Variants in DEFB125 observed in about 807,000 individuals in gnomAD.
The protein encoded by DEFB125 is defensin beta 125.
Under a neutral mutation model 11.8 loss-of-function variants are expected in DEFB125, and 11 were observed. That is an observed-to-expected ratio of 0.94 (90% CI 0.59 to 1.55). The LOEUF is 1.55. Among genes scored for constraint, DEFB125 ranks in the 40% most tolerant of loss-of-function variants. The probability of loss-of-function intolerance (pLI) is 0.00; values close to 1 mark genes in which losing one functional copy is unlikely to be tolerated. For synonymous variants in DEFB125, 79 were observed against 66.7 expected (o/e 1.18, Z -0.90); for missense variants, 198 against 191.2 (o/e 1.04, Z -0.21).
At chr20:94,552 G>A (rs1006479984) in intron 1 of DEFB125, among the ~76,000 whole-genome samples, 2 of 152,074 alleles carry the variant, frequency 1.3e-5, no homozygotes, top group African/African-American at 2.4e-5. Context: ...AGACTCTAAT[G>A]CCTTGGCTGA....
At chr20:87,867 A>G (rs915982818) in intron 1 of DEFB125, 100 bp downstream of exon 1, 6 of 1,297,748 alleles carry the variant, frequency 4.6e-6, no homozygotes, top group Non-Finnish European at 6.7e-6. Flanking sequence ...TGCAGGAAAA[A>G]TCTGGGCCAA....
intron 1 of DEFB125, among the ~76,000 whole-genome samples, chr20:92,893 T>C (rs990022015): frequency 3.3e-5 from 5 of 151,960 alleles, no homozygotes; most frequent in Non-Finnish European, 5.9e-5. Context: ...TAAAGATCAG[T>C]CTGCTCTGTG....
rs144102417 is a variant in DEFB125, at chr20:93,606, T to C, written c.59-2399T>C. Among the ~76,000 whole-genome samples, 147 of 152,324 alleles carry C rather than the reference T, an allele frequency of 9.7e-4. 1 individual carries two copies. The highest frequency in any genetic ancestry group is 3.5e-3 in the African/African-American group (145 of 41,580). ...CTCTCAGCAGTATTTGACTACAAAA[T>C]GACCACTCTGTCCTTTAAGAAACAG... On this transcript the variant is annotated intron_variant, in intron 1 of 1. Transcript: ENST00000382410.
chr20:95,951 G>T, intron 1 of DEFB125, 54 bp from the exon 2 acceptor site: 1 of 1,490,544 alleles, frequency 6.7e-7, no homozygotes, highest in Non-Finnish European at 9.0e-7. Context: ...TGAATGAAAA[G>T]TTGTTATGTT....
In DEFB125 at chr20:96,571, AAG is replaced by A. The variant is rs2122981134; in HGVS notation, c.*159_*160del. Reference sequence around the variant, plus strand: ...AATTGCTACTACCAACACAACAGCCAAGAGAGTTGCCTTACAATTAGAAATGT... The same window carrying A: ...AATTGCTACTACCAACACAACAGCCAAGAGTTGCCTTACAATTAGAAATGT... On this transcript the variant is annotated 3_prime_UTR_variant, in exon 2 of 2. Transcript: ENST00000382410. 2.4e-6 allele frequency: 2 copies of A among 850,778 alleles called. No individual in the cohort carries two copies. The highest frequency in any genetic ancestry group is 3.6e-6 in the Non-Finnish European group (2 of 556,666). 52.7% of individuals were successfully genotyped at this position (850,778 alleles called of 1,614,324 possible). A position where few individuals can be genotyped will look rare whatever the true frequency, so the allele number is the denominator to read the frequency against.
At position 96,995 on chromosome 20, in the gene DEFB125, T is replaced by C. The variant is rs1372829040; in HGVS notation, c.*578T>C. ...AACTAACAGAGTCAGAAGCTAATTC[T>C]TTCATTCAACACAAGCACTGATCTA... On this transcript the variant is annotated 3_prime_UTR_variant, in exon 2 of 2. Coordinates refer to ENST00000382410, the MANE Select transcript of DEFB125 (RefSeq NM_153325.4). 6 of 152,822 alleles carry C rather than the reference T, an allele frequency of 3.9e-5. No homozygotes were observed. Among genetic ancestry groups the C allele is most frequent in the African/African-American group, 1.4e-4 (6 of 41,458 alleles). 9.5% of individuals were successfully genotyped at this position (152,822 alleles called of 1,614,324 possible).
At chr20:94,236 A>G (rs998613789) in intron 1 of DEFB125, among the ~76,000 whole-genome samples, 8 of 152,038 alleles carry the variant, frequency 5.3e-5, no homozygotes, top group Non-Finnish European at 1.2e-4. Context: ...CATATCTATC[A>G]CCTCAAACAT....
At chr20:89,027 T>C (rs147347697) in intron 1 of DEFB125, among the ~76,000 whole-genome samples, 116 of 152,306 alleles carry the variant, frequency 7.6e-4, no homozygotes, top group African/African-American at 2.7e-3. Flanking sequence ...CATTCAGTTT[T>C]ACAGTCTAAT....
At chr20:89,159 T>A (rs994830583) in intron 1 of DEFB125, among the ~76,000 whole-genome samples, 7 of 152,166 alleles carry the variant, frequency 4.6e-5, no homozygotes, top group Non-Finnish European at 8.8e-5. Context: ...AAATTTGGCT[T>A]TTGTTAAATT....
Position 96,111 on chromosome 20 carries a change from CT to C in DEFB125, c.166del (p.Cys56AlafsTer4), listed in dbSNP as rs778648489. 95 of 1,613,992 alleles carry C rather than the reference CT, an allele frequency of 5.9e-5. No individual in the cohort carries two copies. The highest frequency in any genetic ancestry group is 7.8e-5 in the Non-Finnish European group (92 of 1,180,022). ...TTCTTTGTAGGAACAAGCTATCATG[CT>C]GCATTTCTATAATATCACATGAATA... Reference protein sequence around the residue: ...ILLCRNKLSCCISIISHEYTR... With the variant: ...ILLCRNKLSCXISIISHEYTR... On this transcript the variant is annotated frameshift_variant, in exon 2 of 2. Coordinates refer to ENST00000382410, the MANE Select transcript of DEFB125 (RefSeq NM_153325.4). LOFTEE classifies it high-confidence loss of function.
Position 96,031 on chromosome 20 carries a change from A to C in DEFB125, c.85A>C (p.Lys29Gln). 1 of 1,602,956 alleles carries C rather than the reference A, an allele frequency of 6.2e-7. No individual in the cohort carries two copies. Among genetic ancestry groups the C allele is most frequent in the Admixed American group, 1.7e-5 (1 of 59,626 alleles). The change falls in exon 2 of 2, where the codon AAG becomes CAG. Residue 29 changes from lysine to glutamine, a missense_variant. Transcript: ENST00000382410. ...KGSFEPQKCW[K>Q]NNVGHCRRRC... is the part of the protein sequence containing the mutation. ...TAGCTTTGAACCCCAAAAATGTTGG[A>C]AGAATAATGTAGGACATTGCAGAAG...
chr20:96,003 A>G lies in DEFB125; in HGVS notation c.59-2A>G, dbSNP rs1332026700. 6.3e-7 allele frequency: 1 copy of G among 1,593,572 alleles called. No individual in the cohort carries two copies. Among genetic ancestry groups the G allele is most frequent in the African/African-American group, 1.3e-5 (1 of 74,404 alleles). ...ATTTGACCTATATTTTATTCTCTAC[A>G]GGTAGCTTTGAACCCCAAAAATGTT... is the stretch of plus-strand genomic sequence containing the variant. On this transcript the variant is annotated splice_acceptor_variant, in intron 1 of 1. Coordinates refer to ENST00000382410, the MANE Select transcript of DEFB125 (RefSeq NM_153325.4). LOFTEE classifies it high-confidence loss of function.
rs1326140321 is a variant in DEFB125 at position 96,192 on chromosome 20, T to C, written c.246T>C (p.Tyr82=). The change falls in exon 2 of 2, where the codon TAT becomes TAC. Residue 82 remains tyrosine, a synonymous_variant. Transcript: ENST00000382410. Reference sequence around the variant, plus strand: ...ACCTAGAGGATATAACATTGGATTATAGTGATGTGGACTCTTTTACTGGTT... The same window carrying C: ...ACCTAGAGGATATAACATTGGATTACAGTGATGTGGACTCTTTTACTGGTT... ...VIHLEDITLD[Y]SDVDSFTGSP... The C allele has an allele frequency of 2.5e-6, 4 of 1,614,220 alleles. No homozygotes were observed. Among genetic ancestry groups the C allele is most frequent in the Admixed American group, 1.7e-5 (1 of 60,034 alleles).
intron 1 of DEFB125, among the ~76,000 whole-genome samples, chr20:95,125 C>G (rs1051985102): frequency 1.3e-5 from 2 of 152,150 alleles, no homozygotes; most frequent in Non-Finnish European, 2.9e-5. Context: ...TGTCTCTCAA[C>G]TAAACTATTA....
chr20:94,983 G>A (rs2054509565), intron 1 of DEFB125, among the ~76,000 whole-genome samples: 1 of 152,136 alleles, frequency 6.6e-6, no homozygotes, highest in Non-Finnish European at 1.5e-5. Flanking sequence ...TGAGCAAACA[G>A]AACACAGCCA....
At chr20:90,570 C>G (rs974039243) in intron 1 of DEFB125, among the ~76,000 whole-genome samples, 1 of 152,142 alleles carries the variant, frequency 6.6e-6, no homozygotes, top group South Asian at 2.1e-4. Flanking sequence ...GTGCATGATC[C>G]GCTTACACTG....
rs907452877 is a variant in DEFB125 at position 96,849 on chromosome 20, A to G, written c.*432A>G. The stretch of plus-strand genomic sequence containing the variant: ...CTATCGTATATAGGAGAACATATAA[A>G]AGCATATAGAAAGTTCCAGATGAAT... On this transcript the variant is annotated 3_prime_UTR_variant, in exon 2 of 2. Coordinates refer to ENST00000382410, the MANE Select transcript of DEFB125 (RefSeq NM_153325.4). 1 of 157,114 alleles carries G rather than the reference A, an allele frequency of 6.4e-6. No homozygotes were observed. The highest frequency in any genetic ancestry group is 2.4e-5 in the African/African-American group (1 of 41,540). 9.7% of individuals were successfully genotyped at this position (157,114 alleles called of 1,614,324 possible). A position where few individuals can be genotyped will look rare whatever the true frequency, so the allele number is the denominator to read the frequency against.
chr20:90,319 A>G (rs1286853537), intron 1 of DEFB125, among the ~76,000 whole-genome samples: 2 of 152,202 alleles, frequency 1.3e-5, no homozygotes, highest in Non-Finnish European at 2.9e-5. Context: ...CCATCATTCT[A>G]CTGCTAAAAC....
Position 96,141 on chromosome 20 carries a change from T to G in DEFB125, c.195T>G (p.Thr65=). ...TTTCTATAATATCACATGAATATACTCGACGACCAGCATTTCCTGTGATTC... is the reference window on the plus strand; with the variant it reads ...TTTCTATAATATCACATGAATATACGCGACGACCAGCATTTCCTGTGATTC... ...CCISIISHEY[T]RRPAFPVIHL... Residue 65 remains threonine, a synonymous_variant, in exon 2 of 2, where the codon ACT becomes ACG. Transcript: ENST00000382410. 1 of 1,614,186 alleles carries G rather than the reference T, an allele frequency of 6.2e-7. No individual in the cohort carries two copies. Among genetic ancestry groups the G allele is most frequent in the Non-Finnish European group, 8.5e-7 (1 of 1,180,040 alleles).
Sources: gnomAD v4.1 joint callset for allele counts (sites outside exome capture counted in the v4.1 genomes callset) on GRCh38, gnomAD v4.1.1 for gene constraint, MANE v1.5 for transcripts, NCBI Gene and HGNC (gene_info 2026-07-23, HGNC 2026-07-21) for gene names.